The following RBFOX1 variants were observed in gnomAD, a reference collection of about 807,000 sequenced individuals.
The protein encoded by RBFOX1 is RNA binding fox-1 homolog 1, also known as RNA binding protein fox-1 homolog 1.
A neutral mutation model predicts 57.7 loss-of-function variants in RBFOX1; 8 were observed. The ratio of observed to expected loss-of-function variants is 0.14; its 90% confidence interval spans 0.08 to 0.25. RBFOX1 has a LOEUF of 0.25. Among genes scored for constraint, RBFOX1 ranks in the 10% least tolerant of loss-of-function variants. The pLI, the probability that RBFOX1 is intolerant of heterozygous loss-of-function variation, is 1.00. For synonymous variants in RBFOX1, 326 were observed against 222.4 expected, an observed-to-expected ratio of 1.47 and a Z score of -4.15; for missense variants, 611 against 548.5, an observed-to-expected ratio of 1.11 and a Z score of -1.14.
At chr16:5,255,724 C>G (rs1187644612) in intron 1 of RBFOX1, among the ~76,000 whole-genome samples, 1 of 151,960 alleles carries the variant, frequency 6.6e-6, no homozygotes, top group Non-Finnish European at 1.5e-5. Context: ...ATGTACGTAT[C>G]CATCCATCTG....
intron 3 of RBFOX1, among the ~76,000 whole-genome samples, chr16:6,714,641 A>C (rs1175396680): frequency 1.3e-5 from 2 of 152,270 alleles, no homozygotes; most frequent in East Asian, 3.9e-4. Context: ...AGATGAACAT[A>C]TTACAGCCAG....
chr16:5,759,389 C>T (rs2053514116), intron 3 of RBFOX1, among the ~76,000 whole-genome samples: 1 of 152,212 alleles, frequency 6.6e-6, no homozygotes, highest in Admixed American at 6.5e-5. Flanking sequence ...CCACGTCTCT[C>T]ACCACCTTGT....
intron 2 of RBFOX1, among the ~76,000 whole-genome samples, chr16:6,545,698 T>C (rs2096885225): frequency 6.6e-6 from 1 of 152,234 alleles, no homozygotes; most frequent in South Asian, 2.1e-4. Context: ...TTAGTGGCAT[T>C]GCTGAATAAA....
intron 2 of RBFOX1, among the ~76,000 whole-genome samples, chr16:6,534,603 T>A (rs1200654041): frequency 6.6e-6 from 1 of 152,078 alleles, no homozygotes; most frequent in African/African-American, 2.4e-5. Flanking sequence ...GATACCCGGG[T>A]GATTTACACT....
intron 4 of RBFOX1, among the ~76,000 whole-genome samples, chr16:7,210,482 A>G (rs903483587): frequency 2.0e-5 from 3 of 152,206 alleles, no homozygotes; most frequent in South Asian, 2.1e-4. Flanking sequence ...AAGACAATCA[A>G]TGTTAGGTGT....
chr16:6,016,704 G>T (rs1355600508), upstream of RBFOX1, among the ~76,000 whole-genome samples: 1 of 152,206 alleles, frequency 6.6e-6, no homozygotes, highest in East Asian at 1.9e-4. Context: ...AAAGTCTCCA[G>T]GTTCTTTCTA....
intron 5 of RBFOX1, among the ~76,000 whole-genome samples, chr16:7,549,188 T>A (rs1032814097): frequency 1.4e-4 from 22 of 152,324 alleles, no homozygotes; most frequent in African/African-American, 5.3e-4. Flanking sequence ...GGAAACACCC[T>A]CGAAATATTT....
chr16:6,970,133 G>C lies in RBFOX1; in HGVS notation c.-15-81924G>C, dbSNP rs1037538632. Among the ~76,000 whole-genome samples the C allele has an allele frequency of 7.9e-5, 12 of 151,878 alleles. 1 individual carries two copies. The East Asian group carries it at 2.1e-3, about 27-fold the overall frequency. ...TTCAAGACTGAAGCGAGCTATGATG[G>C]TGTCACTGCATTCCAGCCTGGGCAA... is the stretch of plus-strand genomic sequence containing the variant. On this transcript the variant is annotated intron_variant, in intron 3 of 15. Transcript: ENST00000550418.
At chr16:6,937,755 A>G (rs974357367) in intron 3 of RBFOX1, among the ~76,000 whole-genome samples, 4 of 152,016 alleles carry the variant, frequency 2.6e-5, no homozygotes, top group African/African-American at 7.2e-5. Context: ...GTGGAGACCA[A>G]AGTTTTATCG....
Position 6,823,650 on chromosome 16 carries a change from T to G in RBFOX1, c.-16+169000T>G, listed in dbSNP as rs371480138. On this transcript the variant is annotated intron_variant, in intron 3 of 15. Transcript: ENST00000550418. ...CCCTTGATTTTGAATCTCCCTATTC[T>G]TGATTTCTTAGGGTCAGTGGAAATC... Among the ~76,000 whole-genome samples, 100 of 152,364 alleles carry G rather than the reference T, an allele frequency of 6.6e-4. 1 individual carries two copies. Among genetic ancestry groups the G allele is most frequent in the African/African-American group, 2.4e-3 (98 of 41,584 alleles).
chr16:5,483,347 C>T (rs1212547838), intron 2 of RBFOX1, among the ~76,000 whole-genome samples: 1 of 152,212 alleles, frequency 6.6e-6, no homozygotes, highest in African/African-American at 2.4e-5. Context: ...TTGGTCTCGG[C>T]CTGTCTGTGA....
chr16:6,586,147 G>A (rs768966200), intron 2 of RBFOX1, among the ~76,000 whole-genome samples: 1 of 152,146 alleles, frequency 6.6e-6, no homozygotes, highest in African/African-American at 2.4e-5. Context: ...CAGACGTTTG[G>A]AATCAGGAGG....
intron 3 of RBFOX1, among the ~76,000 whole-genome samples, chr16:5,720,154 G>C (rs533539647): frequency 6.6e-6 from 1 of 152,148 alleles, no homozygotes; most frequent in Non-Finnish European, 1.5e-5. Flanking sequence ...GTTTTGAGGT[G>C]TATTTCTCCA....
intron 3 of RBFOX1, among the ~76,000 whole-genome samples, chr16:6,830,630 C>A (rs1603629935): frequency 1.3e-5 from 2 of 152,238 alleles, no homozygotes; most frequent in East Asian, 3.9e-4. Flanking sequence ...GCTAAACATA[C>A]CACAGTATAT....
chr16:7,417,495 G>A lies in RBFOX1; in HGVS notation c.28-100652G>A, dbSNP rs556577345. Among the ~76,000 whole-genome samples the A allele has an allele frequency of 5.3e-5, 8 of 150,570 alleles. No individual in the cohort carries two copies. The East Asian group carries it at 7.8e-4, about 15-fold the overall frequency. On this transcript the variant is annotated intron_variant, in intron 4 of 15. Transcript: ENST00000550418. ...AAACTGACCTTGATCCAATGCATCC[G>A]CCTTATTCGGATTTCACCAGCTTCA...
chr16:6,665,644 A>G (rs1457657085), intron 3 of RBFOX1, among the ~76,000 whole-genome samples: 1 of 150,252 alleles, frequency 6.7e-6, no homozygotes, highest in Admixed American at 6.6e-5. Context: ...AAAAAAGAAG[A>G]AGGAGGGAGT....
chr16:7,101,733 A>G (rs2062728426), intron 4 of RBFOX1, among the ~76,000 whole-genome samples: 1 of 152,194 alleles, frequency 6.6e-6, no homozygotes, highest in African/African-American at 2.4e-5. Context: ...GCCGCAGAAG[A>G]CAAGTACAGG....
intron 3 of RBFOX1, among the ~76,000 whole-genome samples, chr16:5,854,487 C>T (rs1256071992): frequency 6.6e-6 from 1 of 152,094 alleles, no homozygotes; most frequent in Non-Finnish European, 1.5e-5. Flanking sequence ...CCAGCTTCCT[C>T]CATGTTGTTG....
chr16:6,765,370 C>T (rs1235904973), intron 3 of RBFOX1, among the ~76,000 whole-genome samples: 4 of 152,082 alleles, frequency 2.6e-5, no homozygotes, highest in Admixed American at 6.6e-5. Context: ...TTGGAAAGTC[C>T]GTGTGTAACT....
Sources: allele counts gnomAD v4.1 joint callset (sites outside exome capture counted in the v4.1 genomes callset), GRCh38; gene constraint gnomAD v4.1.1; transcripts MANE v1.5; gene names NCBI Gene and HGNC (gene_info 2026-07-23, HGNC 2026-07-21).